UNC5C: variants seen among roughly 807,000 people sequenced by gnomAD.
UNC5C encodes netrin receptor UNC5C.
A neutral mutation model predicts 99.8 loss-of-function variants in UNC5C; 47 were observed. That is an observed-to-expected ratio of 0.47 (90% CI 0.37 to 0.60). The LOEUF (loss-of-function observed/expected upper bound fraction) is 0.60. Among genes scored for constraint, UNC5C ranks in the 20% least tolerant of loss-of-function variants. The pLI, the probability that UNC5C is intolerant of heterozygous loss-of-function variation, is 0.00. For missense variants in UNC5C, 1,062 were observed against 1,165.9 expected (o/e 0.91, Z 1.30); for synonymous variants, 487 against 452.2 (o/e 1.08, Z -0.98).
At chr4:95,322,240 T>G (rs1742721862) in intron 2 of UNC5C, among the ~76,000 whole-genome samples, 1 of 152,236 alleles carries the variant, frequency 6.6e-6, no homozygotes, top group Non-Finnish European at 1.5e-5. Flanking sequence ...GAATAACAAT[T>G]GGTGTGATAG....
chr4:95,493,830 C>T (rs755100623), intron 1 of UNC5C, among the ~76,000 whole-genome samples: 1 of 151,298 alleles, frequency 6.6e-6, no homozygotes, highest in African/African-American at 2.4e-5. Context: ...ATATTCCAAC[C>T]TAAAGGCCAA....
chr4:95,451,454 C>T (rs1054173861), intron 1 of UNC5C, among the ~76,000 whole-genome samples: 42 of 152,140 alleles, frequency 2.8e-4, no homozygotes, highest in Admixed American at 2.1e-3. Context: ...TGTAAAATCT[C>T]GATATCTTAA....
intron 5 of UNC5C, chr4:95,248,419 T>C: frequency 2.7e-6 from 1 of 376,032 alleles, no homozygotes; most frequent in South Asian, 2.0e-5. Context: ...TAAAAGAAGA[T>C]TAAGAGTTAT....
chr4:95,183,135 G>T lies in UNC5C; in HGVS notation c.2287-74C>A, dbSNP rs754998604. ...ATAACTCTCAGATGGTCTGCTGCCA[G>T]GTACTCTGAGTATCACACCTGTGGC... On this transcript the variant is annotated intron_variant, in intron 13 of 15. Transcript: ENST00000453304. The T allele has an allele frequency of 3.4e-4, 497 of 1,449,396 alleles. 1 individual carries two copies. Among genetic ancestry groups the T allele is most frequent in the Non-Finnish European group, 4.5e-4 (475 of 1,057,646 alleles). The allele number at this position is 1,449,396 out of a possible 1,614,324, so 89.8% of individuals were successfully genotyped here.
chr4:95,251,578 GT>G (rs1320096245), intron 4 of UNC5C, among the ~76,000 whole-genome samples: 1 of 152,140 alleles, frequency 6.6e-6, no homozygotes, highest in Non-Finnish European at 1.5e-5. Context: ...GTTGCCTTTT[GT>G]TTTTCTATGC....
rs530934477 is a variant in UNC5C, at chr4:95,460,133, C to T, written c.124+88601G>A. ...CACAAGTTACCAGCAAGTACCTCCA[C>T]TGGGATTGTCTGTGGGTAACTGCAT... On this transcript the variant is annotated intron_variant, in intron 1 of 15. Coordinates refer to ENST00000453304, the MANE Select transcript of UNC5C (RefSeq NM_003728.4). 1.9e-3 allele frequency among the ~76,000 whole-genome samples: 287 copies of T among 150,282 alleles called. 2 individuals are homozygous for T. The highest frequency in any genetic ancestry group is 9.0e-3 in the South Asian group (43 of 4,764).
chr4:95,291,523 T>C (rs375620065), intron 3 of UNC5C, among the ~76,000 whole-genome samples: 1 of 152,238 alleles, frequency 6.6e-6, no homozygotes, highest in Non-Finnish European at 1.5e-5. Flanking sequence ...ATATGACTTA[T>C]GAGACTGTGT....
intron 14 of UNC5C, among the ~76,000 whole-genome samples, 159 bp from the exon 15 acceptor site, chr4:95,170,491 G>C (rs368267810): frequency 2.0e-4 from 30 of 152,176 alleles, no homozygotes; most frequent in African/African-American, 6.8e-4. Flanking sequence ...TGAAAGTTGT[G>C]CATCACTAGA....
intron 1 of UNC5C, among the ~76,000 whole-genome samples, chr4:95,533,298 C>T (rs140245293): frequency 3.3e-5 from 5 of 151,814 alleles, no homozygotes; most frequent in East Asian, 3.9e-4. Flanking sequence ...ACTTGGGAGG[C>T]CGAGGAAGAA....
chr4:95,250,950 CA>C (rs1739695344), intron 4 of UNC5C, among the ~76,000 whole-genome samples: 1 of 152,170 alleles, frequency 6.6e-6, no homozygotes, highest in African/African-American at 2.4e-5. Context: ...ATACAGTGTT[CA>C]AATTGTTTTC....
At chr4:95,320,304 C>G (rs1366223710) in intron 2 of UNC5C, among the ~76,000 whole-genome samples, 1 of 151,536 alleles carries the variant, frequency 6.6e-6, no homozygotes, top group Non-Finnish European at 1.5e-5. Context: ...CGCCTATAAT[C>G]CCAGCTACTG....
intron 1 of UNC5C, among the ~76,000 whole-genome samples, chr4:95,354,315 C>G (rs1744093601): frequency 6.6e-6 from 1 of 151,606 alleles, no homozygotes; most frequent in Non-Finnish European, 1.5e-5. Flanking sequence ...GCCTCCATAG[C>G]TTGCTGACCA....
At chr4:95,464,474 G>A (rs1747710513) in intron 1 of UNC5C, among the ~76,000 whole-genome samples, 1 of 152,134 alleles carries the variant, frequency 6.6e-6, no homozygotes, top group Non-Finnish European at 1.5e-5. Context: ...GTTGGTATAC[G>A]AAAGGCTTTT....
At chr4:95,191,868 C>G (rs1029536166) in intron 12 of UNC5C, among the ~76,000 whole-genome samples, 4 of 144,624 alleles carry the variant, frequency 2.8e-5, no homozygotes, top group Non-Finnish European at 4.6e-5. Context: ...ATGCTCACCT[C>G]CTCCCCACTC....
At chr4:95,543,310 T>C (rs1011242088) in intron 1 of UNC5C, among the ~76,000 whole-genome samples, 1 of 152,178 alleles carries the variant, frequency 6.6e-6, no homozygotes, top group Non-Finnish European at 1.5e-5. Flanking sequence ...TACAAATCTC[T>C]TATTTTATCT....
intron 1 of UNC5C, among the ~76,000 whole-genome samples, chr4:95,403,785 A>G (rs140191120): frequency 1.1e-3 from 163 of 152,262 alleles, no homozygotes; most frequent in African/African-American, 3.7e-3. Context: ...AGTAACACTG[A>G]TATGTTTCCT....
At chr4:95,185,851 G>A (rs1158744394) in intron 12 of UNC5C, among the ~76,000 whole-genome samples, 1 of 152,068 alleles carries the variant, frequency 6.6e-6, no homozygotes, top group East Asian at 1.9e-4. Flanking sequence ...AGATTAGGAA[G>A]GTTTTTAAAC....
chr4:95,412,524 G>A (rs888181641), intron 1 of UNC5C, among the ~76,000 whole-genome samples: 3 of 152,050 alleles, frequency 2.0e-5, no homozygotes, highest in African/African-American at 7.2e-5. Context: ...ACAGAATCAT[G>A]GACACTCGAT....
intron 7 of UNC5C, among the ~76,000 whole-genome samples, chr4:95,239,599 G>A (rs1003404857): frequency 1.4e-4 from 21 of 152,246 alleles, no homozygotes; most frequent in Middle Eastern, 3.4e-3. Context: ...CTAGCTTGGA[G>A]TTGCAGCTTC....
Sources: gnomAD v4.1 joint callset for allele counts (sites outside exome capture counted in the v4.1 genomes callset) on GRCh38, gnomAD v4.1.1 for gene constraint, MANE v1.5 for transcripts, NCBI Gene and HGNC (gene_info 2026-07-23, HGNC 2026-07-21) for gene names.